Variants in MYOC observed in about 807,000 individuals in gnomAD.
The protein encoded by MYOC is myocilin, also known as juvenile-onset open-angle glaucoma 1.
Under a neutral mutation model 28.2 loss-of-function variants are expected in MYOC, and 29 were observed. The observed-to-expected ratio is 1.03, with a 90% CI of 0.77 to 1.40. The LOEUF (loss-of-function observed/expected upper bound fraction) is 1.40. Ranked by LOEUF, MYOC falls within the 40% of genes most tolerant of loss-of-function variation. MYOC has a pLI of 0.00. For missense variants in MYOC, 569 were observed against 620.6 expected, an observed-to-expected ratio of 0.92 and a Z score of 0.88; for synonymous variants, 240 against 245.6, an observed-to-expected ratio of 0.98 and a Z score of 0.21.
chr1:171,637,564 G>A (rs147703246), intron 2 of MYOC, among the ~76,000 whole-genome samples: 109 of 151,890 alleles, frequency 7.2e-4, no homozygotes, highest in African/African-American at 2.3e-3. Context: ...TTTAAATGTA[G>A]TGAAGAGACG....
intron 1 of MYOC, among the ~76,000 whole-genome samples, chr1:171,647,423 C>T (rs1653231020): frequency 6.6e-6 from 1 of 152,090 alleles, no homozygotes; most frequent in Non-Finnish European, 1.5e-5. Context: ...ACTTGGGAGG[C>T]TGAGGCAGGA....
intron 1 of MYOC, among the ~76,000 whole-genome samples, chr1:171,643,756 A>G (rs1354486007): frequency 6.6e-6 from 1 of 152,100 alleles, no homozygotes; most frequent in Non-Finnish European, 1.5e-5. Flanking sequence ...GTGGATCATG[A>G]GGTCAGGAGT....
At position 171,652,295 on chromosome 1, in the gene MYOC, T is replaced by C. The variant is rs1653375106; in HGVS notation, c.317A>G (p.Gln106Arg). ...CTGGGTCTCCTGGGGCCTGGCAGCC[T>C]GGTCCAAGGTCAATTGGTGGAGGAG... ...ESLLHQLTLD[Q>R]AARPQETQEG... Residue 106 changes from glutamine (Q) to arginine (R), a missense_variant, in exon 1 of 3, where the codon CAG becomes CGG. Gln to Arg is a conservative substitution (Grantham distance 43, BLOSUM62 1). Transcript: ENST00000037502. 6.2e-7 allele frequency: 1 copy of C among 1,611,780 alleles called. No individual in the cohort carries two copies. The highest frequency in any genetic ancestry group is 1.1e-5 in the South Asian group (1 of 90,956).
At position 171,652,444 on chromosome 1, in the gene MYOC, G is replaced by A; in HGVS notation, c.168C>T (p.Pro56=). Residue 56 remains proline (P), a synonymous_variant, in exon 1 of 3, where the codon CCC becomes CCT. Coordinates refer to ENST00000037502, the MANE Select transcript of MYOC (RefSeq NM_000261.2). The part of the protein sequence containing the change: ...RCQYTFSVAS[P]NESSCPEQSQ... The stretch of plus-strand genomic sequence containing the variant: ...TCTGCTCTGGGCAGCTGGATTCATT[G>A]GGACTGGCCACACTGAAGGTATACT... 6.2e-7 allele frequency: 1 copy of A among 1,614,220 alleles called. No homozygotes were observed. Among genetic ancestry groups the A allele is most frequent in the Non-Finnish European group, 8.5e-7 (1 of 1,180,038 alleles).
intron 2 of MYOC, among the ~76,000 whole-genome samples, chr1:171,637,830 C>T (rs954758498): frequency 2.0e-5 from 3 of 152,116 alleles, no homozygotes; most frequent in Admixed American, 6.6e-5. Flanking sequence ...CCAGGCTGGT[C>T]TTGAACTCCT....
chr1:171,648,027 A>G (rs1263208147), intron 1 of MYOC, among the ~76,000 whole-genome samples: 1 of 151,962 alleles, frequency 6.6e-6, no homozygotes, highest in Non-Finnish European at 1.5e-5. Flanking sequence ...GGAAAAAAAA[A>G]AAAATACAAA....
At chr1:171,637,960 A>G (rs1482733845) in intron 2 of MYOC, among the ~76,000 whole-genome samples, 1 of 152,208 alleles carries the variant, frequency 6.6e-6, no homozygotes, top group East Asian at 1.9e-4. Context: ...CATAGAAGGT[A>G]GAAACACTTT....
Position 171,635,866 on chromosome 1 carries a change from C to T in MYOC, c.*59G>A. On this transcript the variant is annotated 3_prime_UTR_variant, in exon 3 of 3. Transcript: ENST00000037502. ...GCTGGCTGGCTCTCCCTTCAGCCTGCTCCCCCCAGGAGCCCTGAGCATCTC... is the reference window on the plus strand; with the variant it reads ...GCTGGCTGGCTCTCCCTTCAGCCTGTTCCCCCCAGGAGCCCTGAGCATCTC... The T allele has an allele frequency of 2.1e-5, 34 of 1,591,014 alleles. No homozygotes were observed. The highest frequency in any genetic ancestry group is 2.7e-5 in the Non-Finnish European group (31 of 1,165,110).
At chr1:171,651,948 C>T (rs1653362358) in intron 1 of MYOC, 60 bp downstream of exon 1, 1 of 1,612,662 alleles carries the variant, frequency 6.2e-7, no homozygotes, top group Non-Finnish European at 8.5e-7. Context: ...GCGCCTGTAG[C>T]AGGTCACTAC....
intron 1 of MYOC, among the ~76,000 whole-genome samples, chr1:171,647,110 C>T (rs1048325476): frequency 2.6e-5 from 4 of 152,256 alleles, no homozygotes; most frequent in Non-Finnish European, 5.9e-5. Context: ...AAAGTGAAGA[C>T]TAGCTAATAG....
rs767627671 is a variant in MYOC, at chr1:171,636,575, C to T, written c.865G>A (p.Asp289Asn). ...PYTQETTWRI[D>N]TVGTDVRQVF... The stretch of plus-strand genomic sequence containing the variant: ...TGGCGGACATCCGTGCCAACTGTGT[C>T]GATTCTCCACGTGGTCTCCTGGGTG... The change falls in exon 3 of 3, where the codon GAC (aspartate) becomes AAC (asparagine). Residue 289 changes from aspartate (D) to asparagine (N), a missense_variant. By Grantham distance (23) the Asp-to-Asn change is conservative. Coordinates refer to ENST00000037502, the MANE Select transcript of MYOC (RefSeq NM_000261.2). The T allele has an allele frequency of 7.5e-6, 12 of 1,610,416 alleles. No individual in the cohort carries two copies. The highest frequency in any genetic ancestry group is 4.0e-5 in the African/African-American group (3 of 74,750).
intron 1 of MYOC, among the ~76,000 whole-genome samples, chr1:171,645,406 G>A (rs1313043316): frequency 6.6e-6 from 1 of 152,076 alleles, no homozygotes; most frequent in Non-Finnish European, 1.5e-5. Context: ...ACTGGGAGGC[G>A]GCCTATTGCA....
chr1:171,644,263 CT>C lies in MYOC; in HGVS notation c.605-5542del, dbSNP rs775068020. Among the ~76,000 whole-genome samples the C allele has an allele frequency of 4.0e-3, 583 of 146,070 alleles. 7 individuals are homozygous for C. The highest frequency in any genetic ancestry group is 0.013 in the African/African-American group (537 of 39,866). ...TGACAGATCGTTAACATTTTTAGGG[CT>C]TTTTTTTTTAGGTTTTTAAAAAAAT... On this transcript the variant is annotated intron_variant, in intron 1 of 2. Transcript: ENST00000037502.
chr1:171,636,170 G>A lies in MYOC; in HGVS notation c.1270C>T (p.Gln424Ter). 3.7e-6 allele frequency: 6 copies of A among 1,614,168 alleles called. No homozygotes were observed. Among genetic ancestry groups the A allele is most frequent in the Non-Finnish European group, 5.1e-6 (6 of 1,180,038 alleles). Residue 424 changes from glutamine (Q) to a stop codon, truncating the protein, a stop_gained, in exon 3 of 3, where the codon CAG becomes TAG. Coordinates refer to ENST00000037502, the MANE Select transcript of MYOC (RefSeq NM_000261.2). LOFTEE classifies it low-confidence loss of function (END_TRUNC). Reference protein sequence around the residue: ...EQTWETNIRKQSVANAFIICG... With the variant: ...EQTWETNIRK Reference sequence around the variant, plus strand: ...ATGATGAAGGCATTGGCGACTGACTGCTTACGGATGTTTGTCTCCCAGGTT... The same window carrying A: ...ATGATGAAGGCATTGGCGACTGACTACTTACGGATGTTTGTCTCCCAGGTT...
chr1:171,637,244 T>G (rs1215850445), intron 2 of MYOC, among the ~76,000 whole-genome samples: 1 of 152,212 alleles, frequency 6.6e-6, no homozygotes, highest in Non-Finnish European at 1.5e-5. Flanking sequence ...TCATGCCTGG[T>G]TTATTTCATT....
At chr1:171,641,251 C>T (rs760245689) in intron 1 of MYOC, among the ~76,000 whole-genome samples, 3 of 151,918 alleles carry the variant, frequency 2.0e-5, no homozygotes, top group Non-Finnish European at 4.4e-5. Flanking sequence ...TCACAGAGCC[C>T]AAGAGGAAGG....
intron 1 of MYOC, among the ~76,000 whole-genome samples, chr1:171,650,480 C>G (rs1414060606): frequency 6.6e-6 from 1 of 152,168 alleles, no homozygotes; most frequent in Non-Finnish European, 1.5e-5. Flanking sequence ...AAATCCTTTA[C>G]ATCTTATAGG....
chr1:171,637,615 T>TA (rs2102945218), intron 2 of MYOC, among the ~76,000 whole-genome samples: 1 of 151,368 alleles, frequency 6.6e-6, no homozygotes, highest in South Asian at 2.1e-4. Context: ...CAGATGTCTG[T>TA]ATTTTTTTTT....
chr1:171,643,765 G>A (rs1219708980), intron 1 of MYOC, among the ~76,000 whole-genome samples: 2 of 152,058 alleles, frequency 1.3e-5, no homozygotes, highest in African/African-American at 4.8e-5. Flanking sequence ...GAGGTCAGGA[G>A]TTCGAGACCA....
Sources: allele counts gnomAD v4.1 joint callset (sites outside exome capture counted in the v4.1 genomes callset), GRCh38; gene constraint gnomAD v4.1.1; transcripts MANE v1.5; gene names NCBI Gene and HGNC (gene_info 2026-07-23, HGNC 2026-07-21).